The following IFT74 variants were observed in gnomAD, a reference collection of about 807,000 sequenced individuals.
IFT74 encodes intraflagellar transport 74.
In IFT74, 92 loss-of-function variants were observed where a neutral mutation model predicts 96.7. The observed-to-expected ratio is 0.95, with a 90% confidence interval of 0.80 to 1.13. The LOEUF (loss-of-function observed/expected upper bound fraction) is 1.13, where lower values mean the gene tolerates loss of function less well. Among genes scored for constraint, IFT74 ranks in the 50% most tolerant of loss-of-function variants. The pLI is 0.00. For missense variants in IFT74, 811 were observed against 698.2 expected (o/e 1.16, Z -1.82); for synonymous variants, 223 against 213.2 (o/e 1.05, Z -0.40).
chr9:27,056,863 GATA>G (rs542405519), intron 18 of IFT74, among the ~76,000 whole-genome samples: 1,617 of 67,120 alleles, frequency 0.024, 13 homozygotes, highest in Middle Eastern at 0.077. Flanking sequence ...TCAATGGATA[GATA>G]GATAGATAGA....
At chr9:27,043,734 G>C (rs1405652367) in intron 13 of IFT74, among the ~76,000 whole-genome samples, 3 of 152,104 alleles carry the variant, frequency 2.0e-5, no homozygotes, top group African/African-American at 7.2e-5. Flanking sequence ...AGAAGCCTGG[G>C]AATCATACTT....
intron 13 of IFT74, among the ~76,000 whole-genome samples, chr9:27,031,791 A>G (rs1830141399): frequency 6.8e-6 from 1 of 146,918 alleles, no homozygotes; most frequent in Non-Finnish European, 1.5e-5. Flanking sequence ...TAAATAAAAT[A>G]AAATGTAAAA....
rs189057470 is a variant in IFT74 at position 26,958,485 on chromosome 9, G to C, written c.-20+1969G>C. 6.9e-3 allele frequency among the ~76,000 whole-genome samples: 1,052 copies of C among 152,270 alleles called. 6 individuals are homozygous for C. The highest frequency in any genetic ancestry group is 0.011 in the Non-Finnish European group (751 of 68,034). ...AATTGGCCAGTGCTGTAGGAATAGA[G>C]AGTAAAGTACCTGTTAAACACTTAG... On this transcript the variant is annotated intron_variant, in intron 1 of 19. Transcript: ENST00000380062.
chr9:26,976,847 T>C (rs1432386607), intron 2 of IFT74: 3 of 446,742 alleles, frequency 6.7e-6, no homozygotes, highest in Middle Eastern at 3.4e-4. Context: ...TATAGTGTTA[T>C]GTTGGATTTT....
upstream of IFT74, among the ~76,000 whole-genome samples, chr9:26,954,281 ACAAGTGGC>A (rs1826015009): frequency 6.6e-6 from 1 of 152,216 alleles, no homozygotes. Flanking sequence ...AAACGGAATC[ACAAGTGGC>A]CAACTAGTCA....
At chr9:27,038,147 G>A (rs563264619) in intron 13 of IFT74, among the ~76,000 whole-genome samples, 2 of 152,208 alleles carry the variant, frequency 1.3e-5, no homozygotes, top group African/African-American at 4.8e-5. Flanking sequence ...AGAGGCTGTA[G>A]ATGCCCCAAA....
chr9:27,059,076 C>T (rs1361217000), intron 18 of IFT74, among the ~76,000 whole-genome samples: 1 of 152,150 alleles, frequency 6.6e-6, no homozygotes, highest in Non-Finnish European at 1.5e-5. Context: ...TTGAAAAACA[C>T]CATTTCTTAG....
At chr9:27,034,525 GTTTA>G (rs1160111872) in intron 13 of IFT74, among the ~76,000 whole-genome samples, 6 of 151,984 alleles carry the variant, frequency 3.9e-5, no homozygotes, top group Non-Finnish European at 8.8e-5. Flanking sequence ...TTATTTATTT[GTTTA>G]TTTATTTATG....
At chr9:27,004,762 T>C (rs1828684480) in intron 8 of IFT74, among the ~76,000 whole-genome samples, 1 of 152,078 alleles carries the variant, frequency 6.6e-6, no homozygotes, top group Admixed American at 6.6e-5. Flanking sequence ...TAATATAAAA[T>C]AGAAAACTGG....
chr9:26,988,772 C>A (rs980467292), intron 7 of IFT74, 44 bp downstream of exon 7: 10 of 1,423,696 alleles, frequency 7.0e-6, no homozygotes, highest in Non-Finnish European at 7.6e-6. Context: ...TAAGTCATAT[C>A]CTACAAAACA....
intron 13 of IFT74, among the ~76,000 whole-genome samples, chr9:27,033,887 T>C (rs1052912101): frequency 2.6e-5 from 4 of 152,188 alleles, no homozygotes; most frequent in African/African-American, 9.6e-5. Flanking sequence ...TATGTGAAGG[T>C]GGTTCCTTAC....
chr9:27,062,105 G>T (rs1564011912), intron 19 of IFT74, among the ~76,000 whole-genome samples: 1 of 152,162 alleles, frequency 6.6e-6, no homozygotes, highest in Non-Finnish European at 1.5e-5. Flanking sequence ...CTTACCTCCA[G>T]ATAAGGTGTT....
intron 3 of IFT74, among the ~76,000 whole-genome samples, chr9:26,979,343 A>C (rs1023785866): frequency 6.6e-6 from 1 of 152,196 alleles, no homozygotes; most frequent in African/African-American, 2.4e-5. Context: ...TTATATGTTT[A>C]ATAGTATTTT....
Position 26,984,472 on chromosome 9 carries a change from A to G in IFT74, c.405-27A>G, listed in dbSNP as rs370403740. ...TATGTATATTTTTATGTACATATTT[A>G]TGAATGTATTTATTTTATGCTTTCA... On this transcript the variant is annotated intron_variant, in intron 5 of 19. Transcript: ENST00000380062. 8.9e-4 allele frequency: 1,427 copies of G among 1,599,730 alleles called. 1 individual carries two copies. The highest frequency in any genetic ancestry group is 4.2e-3 in the Middle Eastern group (25 of 6,002).
chr9:27,012,217 G>A (rs1016068538), intron 10 of IFT74, among the ~76,000 whole-genome samples: 1 of 151,984 alleles, frequency 6.6e-6, no homozygotes, highest in Non-Finnish European at 1.5e-5. Flanking sequence ...AAATCCAATA[G>A]CAATTAAAAA....
intron 8 of IFT74, among the ~76,000 whole-genome samples, chr9:27,005,352 T>TCCCCCGC (rs1491163144): frequency 5.3e-5 from 1 of 18,948 alleles, no homozygotes. Context: ...TGAAACCATT[T>TCCCCCGC]CCCCCCCCGC....
chr9:26,996,361 A>G, intron 8 of IFT74: 15 of 1,608,012 alleles, frequency 9.3e-6, no homozygotes, highest in Non-Finnish European at 1.3e-5. Context: ...TGAATTGCTG[A>G]TGGGCTGAAA....
chr9:27,016,807 A>G (rs1829363951), intron 10 of IFT74, 100 bp from the exon 11 acceptor site: 2 of 770,166 alleles, frequency 2.6e-6, no homozygotes, highest in East Asian at 2.8e-5. Flanking sequence ...TAAAGATGCT[A>G]GTAGTTTAAA....
intron 8 of IFT74, chr9:26,999,565 A>G: frequency 7.3e-7 from 1 of 1,379,222 alleles, no homozygotes; most frequent in Non-Finnish European, 1.0e-6. Context: ...AAATATACAG[A>G]AAATGTACCT....
Sources: gnomAD v4.1 joint callset for allele counts (sites outside exome capture counted in the v4.1 genomes callset) on GRCh38, gnomAD v4.1.1 for gene constraint, MANE v1.5 for transcripts, NCBI Gene and HGNC (gene_info 2026-07-23, HGNC 2026-07-21) for gene names.